GPHN: variants seen among roughly 807,000 people sequenced by gnomAD.
GPHN encodes the protein gephyrin.
A neutral mutation model predicts 95.5 loss-of-function variants in GPHN; 17 were observed. The observed-to-expected ratio is 0.18, with a 90% CI of 0.12 to 0.27. The LOEUF (loss-of-function observed/expected upper bound fraction) is 0.27, where lower values mean the gene tolerates loss of function less well. Ranked by LOEUF, GPHN falls within the 10% of genes least tolerant of loss-of-function variation. The pLI is 1.00. For missense variants in GPHN, 660 were observed against 978.1 expected (o/e 0.67, Z 4.34); for synonymous variants, 320 against 322.5 (o/e 0.99, Z 0.08).
chr14:67,651,379 A>T, the GPHN span: 5 of 1,613,714 alleles, frequency 3.1e-6, no homozygotes, highest in Non-Finnish European at 4.2e-6. Flanking sequence ...CCTTCCCTAT[A>T]GAAGTTCAAT....
the GPHN span, among the ~76,000 whole-genome samples, chr14:67,438,468 AGCT>A: frequency 0.014 from 2,185 of 152,318 alleles, 59 homozygotes; most frequent in African/African-American, 0.05. Flanking sequence ...AATCCTAGCC[AGCT>A]ATGTGACCTT....
intron 18 of GPHN, among the ~76,000 whole-genome samples, chr14:67,144,534 A>G (rs2080783977): frequency 1.3e-5 from 2 of 151,946 alleles, no homozygotes; most frequent in African/African-American, 2.4e-5. Flanking sequence ...TTGCCAGCTG[A>G]TAATCCTTTT....
intron 13 of GPHN, 26 bp downstream of exon 13, chr14:67,100,937 C>T (rs755781865): frequency 1.4e-6 from 2 of 1,398,810 alleles, no homozygotes; most frequent in Non-Finnish European, 2.0e-6. Context: ...CTGAAAGGCA[C>T]TGAAGATTTC....
chr14:66,717,720 C>G (rs1270416699), intron 2 of GPHN, among the ~76,000 whole-genome samples: 1 of 152,174 alleles, frequency 6.6e-6, no homozygotes, highest in Non-Finnish European at 1.5e-5. Context: ...GTACTCTTCC[C>G]CTTTTCCAAT....
In GPHN at chr14:67,157,803, G is replaced by T. The variant is rs367669114; in HGVS notation, c.1837-1612G>T. 3.0e-4 allele frequency among the ~76,000 whole-genome samples: 46 copies of T among 151,588 alleles called. No individual in the cohort carries two copies. In the East Asian group the frequency reaches 8.8e-3, roughly 29 times the overall value. On this transcript the variant is annotated intron_variant, in intron 18 of 22. Transcript: ENST00000478722. ...AGATCATGCCACTGCACTCCAGCCT[G>T]GGTGACAGAGAGAGACCCCGTCTCA...
At position 66,879,951 on chromosome 14, in the gene GPHN, G is replaced by A. The variant is rs774132595; in HGVS notation, c.307G>A (p.Val103Ile). The A allele has an allele frequency of 9.3e-6, 15 of 1,607,038 alleles. No homozygotes were observed. In the Admixed American group the frequency reaches 2.5e-4, roughly 27 times the overall value. The change falls in exon 5 of 23, where the codon GTA (valine) becomes ATA (isoleucine). Residue 103 changes from valine to isoleucine, a missense_variant. This residue lies in a region of GPHN where 71 missense variants were observed against 130.8 expected (regional missense o/e 0.54). Transcript: ENST00000478722. Reference sequence around the variant, plus strand: ...TCTTTAATTACAGGCCACAAAAGAAGTAATAGAACGGGAAGCACCAGGGAT... The same window carrying A: ...TCTTTAATTACAGGCCACAAAAGAAATAATAGAACGGGAAGCACCAGGGAT... ...RDVTPEATKE[V>I]IEREAPGMAL...
At chr14:67,562,484 G>A in the GPHN span, 1 of 1,613,482 alleles carries the variant, frequency 6.2e-7, no homozygotes, top group Non-Finnish European at 8.5e-7. Flanking sequence ...CTGGGGTGAG[G>A]GTCTGGTTAC....
At chr14:67,222,059 T>A in the GPHN span, 45 of 445,860 alleles carry the variant, frequency 1.0e-4, no homozygotes, top group Non-Finnish European at 1.6e-4. Flanking sequence ...TTTTCTGCAC[T>A]GGTTTAGTTT....
the GPHN span, among the ~76,000 whole-genome samples, chr14:67,534,689 C>G: frequency 6.6e-6 from 1 of 152,078 alleles, no homozygotes; most frequent in Non-Finnish European, 1.5e-5. Context: ...GCCCCAAACT[C>G]ATTGAAACTA....
chr14:67,708,757 T>C, the GPHN span, among the ~76,000 whole-genome samples: 1 of 152,018 alleles, frequency 6.6e-6, no homozygotes, highest in African/African-American at 2.4e-5. Context: ...AAGCCAAATA[T>C]GTCATTTTCG....
chr14:66,509,042 C>G (rs978114498), intron 1 of GPHN: 14 of 232,484 alleles, frequency 6.0e-5, no homozygotes, highest in African/African-American at 3.1e-4. Flanking sequence ...TTCCCCCCAC[C>G]TGGGCGGCCC....
At chr14:66,830,239 C>T (rs994124660) in intron 4 of GPHN, among the ~76,000 whole-genome samples, 1 of 151,840 alleles carries the variant, frequency 6.6e-6, no homozygotes, top group South Asian at 2.1e-4. Flanking sequence ...TTTAGTAATC[C>T]GAATAATGTT....
At chr14:66,986,892 G>A (rs1397039250) in intron 9 of GPHN, among the ~76,000 whole-genome samples, 1 of 152,016 alleles carries the variant, frequency 6.6e-6, no homozygotes, top group Non-Finnish European at 1.5e-5. Context: ...TTACTTTTTT[G>A]TTATTGTTTA....
chr14:67,644,165 T>C, the GPHN span, among the ~76,000 whole-genome samples: 2 of 152,208 alleles, frequency 1.3e-5, no homozygotes, highest in Non-Finnish European at 2.9e-5. Context: ...AATCTGAAAT[T>C]CTAGAGAGGA....
intron 4 of GPHN, among the ~76,000 whole-genome samples, chr14:66,832,901 G>A (rs1321207337): frequency 1.3e-5 from 2 of 152,122 alleles, no homozygotes; most frequent in East Asian, 3.9e-4. Context: ...GAAAAAGGAA[G>A]ACCTTAAAGG....
At chr14:67,058,425 A>G (rs1446311326) in intron 10 of GPHN, among the ~76,000 whole-genome samples, 2 of 152,232 alleles carry the variant, frequency 1.3e-5, no homozygotes, top group East Asian at 1.9e-4. Context: ...TTCATTGAAC[A>G]TGTCTGGAGC....
intron 1 of GPHN, among the ~76,000 whole-genome samples, chr14:66,626,708 A>G (rs183178398): frequency 3.3e-5 from 5 of 152,210 alleles, no homozygotes; most frequent in Admixed American, 3.3e-4. Flanking sequence ...CTTTCTATGA[A>G]TGCCATACCA....
intron 1 of GPHN, among the ~76,000 whole-genome samples, chr14:66,554,635 C>G (rs909554737): frequency 2.0e-5 from 3 of 152,218 alleles, no homozygotes; most frequent in Admixed American, 1.3e-4. Flanking sequence ...CAATCACTTC[C>G]CAACAGTTTC....
chr14:67,634,689 G>C, the GPHN span, among the ~76,000 whole-genome samples: 1 of 151,914 alleles, frequency 6.6e-6, no homozygotes, highest in Non-Finnish European at 1.5e-5. Context: ...AGTAGATAAT[G>C]ACTGCTTTCT....
Sources: allele counts gnomAD v4.1 joint callset (sites outside exome capture counted in the v4.1 genomes callset), GRCh38; gene constraint gnomAD v4.1.1; regional missense constraint gnomAD v4.1.1; transcripts MANE v1.5; gene names NCBI Gene and HGNC (gene_info 2026-07-23, HGNC 2026-07-21).